IPCEF1: variants seen among roughly 807,000 people sequenced by gnomAD.
IPCEF1 encodes the protein interaction protein for cytohesin exchange factors 1, also known as interactor protein for cytohesin exchange factors 1.
In IPCEF1, 31 loss-of-function variants were observed where a neutral mutation model predicts 50.9. The observed-to-expected ratio is 0.61, with a 90% CI of 0.46 to 0.82. IPCEF1 has a LOEUF of 0.82. IPCEF1 is among the 40% of genes least tolerant of loss of function. IPCEF1 has a pLI of 0.00. For missense variants in IPCEF1, 458 were observed against 514.0 expected (o/e 0.89, Z 1.05); for synonymous variants, 181 against 192.0 (o/e 0.94, Z 0.47).
intron 2 of IPCEF1, among the ~76,000 whole-genome samples, chr6:154,285,845 A>G (rs369532495): frequency 6.6e-6 from 1 of 152,228 alleles, no homozygotes; most frequent in African/African-American, 2.4e-5. Context: ...ACGTTTCTGT[A>G]CTGGAAAAAG....
At chr6:154,351,270 A>G (rs1784114957) in intron 1 of IPCEF1, among the ~76,000 whole-genome samples, 1 of 152,222 alleles carries the variant, frequency 6.6e-6, no homozygotes, top group South Asian at 2.1e-4. Context: ...AAAGAGCAGC[A>G]TGAGGGATCT....
At chr6:154,319,235 T>G (rs924979922) in intron 1 of IPCEF1, among the ~76,000 whole-genome samples, 1 of 152,206 alleles carries the variant, frequency 6.6e-6, no homozygotes. Context: ...GTTTTACTTA[T>G]CTGGACTCAT....
At chr6:154,261,451 G>A (rs1372879613) in intron 3 of IPCEF1, among the ~76,000 whole-genome samples, 2 of 152,160 alleles carry the variant, frequency 1.3e-5, no homozygotes, top group African/African-American at 2.4e-5. Flanking sequence ...TGGATTGGAG[G>A]GACACAGGGC....
intron 10 of IPCEF1, among the ~76,000 whole-genome samples, chr6:154,191,665 CT>C (rs1801896795): frequency 7.3e-6 from 1 of 137,840 alleles, no homozygotes; most frequent in Non-Finnish European, 1.6e-5. Flanking sequence ...CAGAGTGAGA[CT>C]TTGCCTCAAC....
chr6:154,318,685 C>A (rs1358577124), intron 1 of IPCEF1, among the ~76,000 whole-genome samples: 1 of 146,262 alleles, frequency 6.8e-6, no homozygotes, highest in African/African-American at 2.6e-5. Flanking sequence ...TGCGCTCCAG[C>A]CTGGCTGACA....
In IPCEF1 at chr6:154,214,244, T is replaced by G; in HGVS notation, c.425A>C (p.His142Pro). Residue 142 changes from histidine (H) to proline (P), a missense_variant, in exon 8 of 12, where the codon CAT becomes CCT. His to Pro is a moderately conservative substitution (Grantham distance 77). Coordinates refer to ENST00000367220, the MANE Select transcript of IPCEF1 (RefSeq NM_001130700.2). Reference sequence around the variant, plus strand: ...TTCATCCTTTGTAGTGGATTCCTGATGGATTACAGCCGATCCAAGTTTATT... The same window carrying G: ...TTCATCCTTTGTAGTGGATTCCTGAGGGATTACAGCCGATCCAAGTTTATT... ...WLNKLGSAVIHQESTTKDEEC... is the reference protein window; with the variant it reads ...WLNKLGSAVIPQESTTKDEEC... 1.2e-6 allele frequency: 2 copies of G among 1,611,592 alleles called. No individual in the cohort carries two copies. Among genetic ancestry groups the G allele is most frequent in the South Asian group, 2.2e-5 (2 of 91,032 alleles).
intron 7 of IPCEF1, among the ~76,000 whole-genome samples, chr6:154,217,918 A>C (rs2128612365): frequency 6.6e-6 from 1 of 152,364 alleles, no homozygotes; most frequent in South Asian, 2.1e-4. Context: ...GCAAAATAGA[A>C]GACTGTTGAC....
intron 1 of IPCEF1, among the ~76,000 whole-genome samples, chr6:154,313,156 G>A (rs772047492): frequency 4.0e-5 from 6 of 150,512 alleles, no homozygotes; most frequent in Non-Finnish European, 7.4e-5. Context: ...CAGATCACCC[G>A]AGGTCAGGAG....
chr6:154,215,892 T>C (rs542075834), intron 7 of IPCEF1, among the ~76,000 whole-genome samples: 31 of 152,310 alleles, frequency 2.0e-4, no homozygotes, highest in African/African-American at 7.5e-4. Context: ...GCCTCAATAG[T>C]ATTTTGAGAA....
At chr6:154,262,340 T>C (rs1365779946) in intron 3 of IPCEF1, among the ~76,000 whole-genome samples, 1 of 152,216 alleles carries the variant, frequency 6.6e-6, no homozygotes, top group Non-Finnish European at 1.5e-5. Flanking sequence ...ATTACGTGGA[T>C]GATATGTTAG....
rs71021036 is a variant in IPCEF1, at chr6:154,273,724, CTTTTTTTTTTTT to C, written c.-17-7772_-17-7761del. On this transcript the variant is annotated intron_variant, in intron 2 of 11. Coordinates refer to ENST00000367220, the MANE Select transcript of IPCEF1 (RefSeq NM_001130700.2). The stretch of plus-strand genomic sequence containing the variant: ...TCTTTTTTTCTTTCTTTCTTTCTTT[CTTTTTTTTTTTT>C]TTTTTTTTTTTTTTTTTTTTTTTTT... Among the ~76,000 whole-genome samples the C allele has an allele frequency of 3.0e-3, 189 of 63,056 alleles. 7 individuals carry two copies. The highest frequency in any genetic ancestry group is 4.1e-3 in the South Asian group (7 of 1,698). The allele number at this position is 63,056 out of a possible 152,430, so 41.4% of individuals were successfully genotyped here.
chr6:154,270,824 A>G (rs1286155029), intron 2 of IPCEF1, among the ~76,000 whole-genome samples: 1 of 152,098 alleles, frequency 6.6e-6, no homozygotes, highest in Non-Finnish European at 1.5e-5. Flanking sequence ...AAAAATACAA[A>G]AATTAGCCAG....
chr6:154,221,429 G>T, intron 6 of IPCEF1, 101 bp from the exon 7 acceptor site: 1 of 859,250 alleles, frequency 1.2e-6, no homozygotes, highest in Non-Finnish European at 1.9e-6. Context: ...AAACTTGTCT[G>T]CTTTCTTTGT....
At chr6:154,316,875 C>A (rs927900393) in intron 1 of IPCEF1, among the ~76,000 whole-genome samples, 1 of 151,984 alleles carries the variant, frequency 6.6e-6, no homozygotes, top group Non-Finnish European at 1.5e-5. Context: ...TAAGTAGATA[C>A]AATTTTCTCA....
At chr6:154,225,935 A>T (rs1487718634) in intron 5 of IPCEF1, among the ~76,000 whole-genome samples, 1 of 152,176 alleles carries the variant, frequency 6.6e-6, no homozygotes, top group Non-Finnish European at 1.5e-5. Flanking sequence ...TACTGTTTTT[A>T]GTCCTCCCTT....
intron 5 of IPCEF1, among the ~76,000 whole-genome samples, chr6:154,228,587 G>A (rs527238345): frequency 3.3e-5 from 5 of 152,244 alleles, no homozygotes; most frequent in African/African-American, 9.6e-5. Flanking sequence ...GGAGTGTCAC[G>A]TACAGTTGCT....
intron 1 of IPCEF1, among the ~76,000 whole-genome samples, chr6:154,299,188 T>C (rs772148983): frequency 7.1e-6 from 1 of 140,798 alleles, no homozygotes; most frequent in Non-Finnish European, 1.6e-5. Context: ...ATGAGTGCTT[T>C]ATTAAGCTGG....
At chr6:154,262,514 T>C (rs922062560) in intron 3 of IPCEF1, among the ~76,000 whole-genome samples, 3 of 152,224 alleles carry the variant, frequency 2.0e-5, no homozygotes, top group African/African-American at 7.2e-5. Context: ...TAGGTAATAC[T>C]AACTGAATGT....
intron 1 of IPCEF1, among the ~76,000 whole-genome samples, chr6:154,351,929 C>T (rs886540645): frequency 1.3e-5 from 2 of 152,154 alleles, no homozygotes; most frequent in African/African-American, 2.4e-5. Flanking sequence ...GGGAGCTGAA[C>T]AATGAGAACA....
Sources: gnomAD v4.1 joint callset for allele counts (sites outside exome capture counted in the v4.1 genomes callset) on GRCh38, gnomAD v4.1.1 for gene constraint, MANE v1.5 for transcripts, NCBI Gene and HGNC (gene_info 2026-07-23, HGNC 2026-07-21) for gene names.